SIM2: variants seen among roughly 807,000 people sequenced by gnomAD.
SIM2 encodes the protein single-minded homolog 2.
A neutral mutation model predicts 64.8 loss-of-function variants in SIM2; 28 were observed. That is an observed-to-expected ratio of 0.43 (90% CI 0.32 to 0.59). The LOEUF (loss-of-function observed/expected upper bound fraction) is 0.59, where lower values mean the gene tolerates loss of function less well. Ranked by LOEUF, SIM2 falls within the 20% of genes least tolerant of loss-of-function variation. The probability of loss-of-function intolerance (pLI) is 0.07; values close to 1 mark genes in which losing one functional copy is unlikely to be tolerated. For synonymous variants in SIM2, 408 were observed against 391.1 expected (o/e 1.04, Z -0.51); for missense variants, 847 against 871.4 (o/e 0.97, Z 0.35).
intron 1 of SIM2, among the ~76,000 whole-genome samples, chr21:36,702,351 C>T (rs566853196): frequency 6.6e-6 from 1 of 152,314 alleles, no homozygotes; most frequent in South Asian, 2.1e-4. Flanking sequence ...GGGCCCTGAA[C>T]CTGTTCGGTC....
At chr21:36,703,202 T>G (rs2088529242) in intron 1 of SIM2, among the ~76,000 whole-genome samples, 1 of 152,072 alleles carries the variant, frequency 6.6e-6, no homozygotes, top group African/African-American at 2.4e-5. Flanking sequence ...CTCAGAGGGG[T>G]CCCTGTGTGC....
rs980272716 is a variant in SIM2, at chr21:36,749,210, A to G, written c.*1118A>G. The G allele has an allele frequency of 6.5e-6, 1 of 152,678 alleles. No individual in the cohort carries two copies. Among genetic ancestry groups the G allele is most frequent in the African/African-American group, 2.4e-5 (1 of 41,466 alleles). 9.5% of individuals were successfully genotyped at this position (152,678 alleles called of 1,614,324 possible). A position where few individuals can be genotyped will look rare whatever the true frequency, so the allele number is the denominator to read the frequency against. On this transcript the variant is annotated 3_prime_UTR_variant, in exon 11 of 11. Transcript: ENST00000290399. ...TTTTTACTTTTTATGGGTTTTGCTT[A>G]AAGATCTCAACATGGAAAAATCCTG... is the stretch of plus-strand genomic sequence containing the variant.
chr21:36,726,365 C>T lies in SIM2; in HGVS notation c.743+47C>T, dbSNP rs547265967. 68 of 1,545,908 alleles carry T rather than the reference C, an allele frequency of 4.4e-5. No homozygotes were observed. The highest frequency in any genetic ancestry group is 8.1e-5 in the African/African-American group (6 of 73,848). ...GTGGCTGTGGCCTTCTGGAAGACAC[C>T]GGTGGTGGAAATGGGTCCCTGAAAG... is the stretch of plus-strand genomic sequence containing the variant. On this transcript the variant is annotated intron_variant, in intron 6 of 10. Transcript: ENST00000290399. The surrounding 1 kb of genome is among the most constrained non-coding windows in gnomAD (Gnocchi z 4.5).
rs1262093480 is a variant in SIM2, at chr21:36,743,450, C to T, written c.1062C>T (p.Asp354=). 1.2e-6 allele frequency: 2 copies of T among 1,614,122 alleles called. No individual in the cohort carries two copies. Among genetic ancestry groups the T allele is most frequent in the Admixed American group, 1.7e-5 (1 of 60,028 alleles). The change falls in exon 9 of 11, where the codon GAC becomes GAT. Residue 354 remains aspartate (D), a synonymous_variant. Coordinates refer to ENST00000290399, the MANE Select transcript of SIM2 (RefSeq NM_005069.6). ...AGGTGTCCACTGCCAAGTCCCAGGA[C>T]TCCTGGAGGACCGCCTTGTCTACCT... is the stretch of plus-strand genomic sequence containing the variant. ...LEQVSTAKSQ[D]SWRTALSTSQ...
chr21:36,729,670 C>T (rs1469789040), intron 6 of SIM2, among the ~76,000 whole-genome samples: 1 of 152,114 alleles, frequency 6.6e-6, no homozygotes. Context: ...ACTGACTGCA[C>T]CATAGCCTCG....
intron 7 of SIM2, 138 bp from the exon 8 acceptor site, chr21:36,741,579 C>A: frequency 1.1e-6 from 1 of 896,564 alleles, no homozygotes; most frequent in Non-Finnish European, 1.7e-6. Context: ...CACAGACATG[C>A]ACCCTCCAGC....
At chr21:36,741,066 T>C (rs569111651) in intron 7 of SIM2, among the ~76,000 whole-genome samples, 2 of 151,982 alleles carry the variant, frequency 1.3e-5, no homozygotes, top group African/African-American at 4.8e-5. Context: ...CGGCCTGGAG[T>C]TTGCACCCAA....
At chr21:36,704,162 A>G (rs2088545943) in intron 1 of SIM2, among the ~76,000 whole-genome samples, 1 of 152,196 alleles carries the variant, frequency 6.6e-6, no homozygotes, top group Non-Finnish European at 1.5e-5. Flanking sequence ...TTGGGTTTAA[A>G]TTCAGCTGCA....
chr21:36,715,943 C>T (rs2088741169), intron 3 of SIM2, among the ~76,000 whole-genome samples: 1 of 152,036 alleles, frequency 6.6e-6, no homozygotes, highest in African/African-American at 2.4e-5. Context: ...GTGATTGTTG[C>T]TGCCAAACTT....
intron 2 of SIM2, among the ~76,000 whole-genome samples, chr21:36,712,208 G>T (rs1322774804): frequency 6.6e-6 from 1 of 152,166 alleles, no homozygotes; most frequent in Admixed American, 6.5e-5. Flanking sequence ...TGTACTAAGT[G>T]CTAAAATAAC....
intron 1 of SIM2, among the ~76,000 whole-genome samples, chr21:36,707,680 C>T (rs997989116): frequency 3.6e-4 from 55 of 151,846 alleles, no homozygotes; most frequent in Non-Finnish European, 1.0e-4. Context: ...TTTTACGCTT[C>T]CAGAGGTCGA....
rs1380818753 is a variant in SIM2 at position 36,747,810 on chromosome 21, C to T, written c.1722C>T (p.Ala574=). 1 of 1,032,352 alleles carries T rather than the reference C, an allele frequency of 9.7e-7. No homozygotes were observed. Among genetic ancestry groups the T allele is most frequent in the Non-Finnish European group, 1.2e-6 (1 of 864,128 alleles). 63.9% of individuals were successfully genotyped at this position (1,032,352 alleles called of 1,614,324 possible). Residue 574 remains alanine, a synonymous_variant, in exon 11 of 11, where the codon GCC becomes GCT. Coordinates refer to ENST00000290399, the MANE Select transcript of SIM2 (RefSeq NM_005069.6). The surrounding 1 kb of genome is among the most constrained non-coding windows in gnomAD (Gnocchi z 4.5). ...AARDGARLAL[A]RAAPECCAPP... Reference sequence around the variant, plus strand: ...GGGACGGGGCGCGGCTGGCGCTGGCCCGCGCGGCACCCGAGTGCTGCGCGC... The same window carrying T: ...GGGACGGGGCGCGGCTGGCGCTGGCTCGCGCGGCACCCGAGTGCTGCGCGC...
rs373274906 is a variant in SIM2, at chr21:36,737,465, CA to C, written c.851-4251del. Among the ~76,000 whole-genome samples, 27 of 152,304 alleles carry C rather than the reference CA, an allele frequency of 1.8e-4. No individual in the cohort carries two copies. In the East Asian group the frequency reaches 2.3e-3, roughly 13 times the overall value. On this transcript the variant is annotated intron_variant, in intron 7 of 10. Coordinates refer to ENST00000290399, the MANE Select transcript of SIM2 (RefSeq NM_005069.6). Reference sequence around the variant, plus strand: ...CTTGTGATCTGTTGACCCAGACCCTCAGGGGGGGCTGAGCACAGCCTGGTCC... The same window carrying C: ...CTTGTGATCTGTTGACCCAGACCCTCGGGGGGGCTGAGCACAGCCTGGTCC...
chr21:36,747,745 C>A lies in SIM2; in HGVS notation c.1657C>A (p.Pro553Thr), dbSNP rs1461243539. The A allele has an allele frequency of 1.6e-6, 2 of 1,216,870 alleles. No individual in the cohort carries two copies. Among genetic ancestry groups the A allele is most frequent in the Admixed American group, 8.1e-5 (2 of 24,728 alleles). The allele number at this position is 1,216,870 out of a possible 1,614,324, so 75.4% of individuals were successfully genotyped here. A position where few individuals can be genotyped will look rare whatever the true frequency, so the allele number is the denominator to read the frequency against. The part of the protein sequence containing the change: ...FPSCGHYREE[P>T]ALGPAKAARQ... ...GAGCTGCGGCCACTACCGCGAGGAG[C>A]CCGCGCTGGGCCCGGCCAAAGCCGC... The change falls in exon 11 of 11, where the codon CCC (proline) becomes ACC (threonine). Residue 553 changes from proline to threonine, a missense_variant. Physicochemically the swap from Pro to Thr is conservative, Grantham distance 38. Coordinates refer to ENST00000290399, the MANE Select transcript of SIM2 (RefSeq NM_005069.6). The surrounding 1 kb of genome is among the most constrained non-coding windows in gnomAD (Gnocchi z 4.5).
Position 36,749,423 on chromosome 21 carries a change from C to G in SIM2, c.*1331C>G, listed in dbSNP as rs1396438359. ...GTTCTAAAATCAAGTGCACCTACAC[C>G]AACTGCTCTCAAAATGTGAACTGAC... is the stretch of plus-strand genomic sequence containing the variant. On this transcript the variant is annotated 3_prime_UTR_variant, in exon 11 of 11. Coordinates refer to ENST00000290399, the MANE Select transcript of SIM2 (RefSeq NM_005069.6). 2.0e-5 allele frequency: 3 copies of G among 150,920 alleles called. No individual in the cohort carries two copies. Among genetic ancestry groups the G allele is most frequent in the Non-Finnish European group, 2.9e-5 (2 of 67,918 alleles). The allele number at this position is 150,920 out of a possible 1,614,324, so 9.3% of individuals were successfully genotyped here. A position where few individuals can be genotyped will look rare whatever the true frequency, so the allele number is the denominator to read the frequency against.
chr21:36,747,839 C>G lies in SIM2; in HGVS notation c.1751C>G (p.Pro584Arg), dbSNP rs997387034. Reference sequence around the variant, plus strand: ...GCGGCACCCGAGTGCTGCGCGCCCCCGACCCCCGAGGCCCCGGGCGCGCCG... The same window carrying G: ...GCGGCACCCGAGTGCTGCGCGCCCCGGACCCCCGAGGCCCCGGGCGCGCCG... ...ARAAPECCAP[P>R]TPEAPGAPAQ... The change falls in exon 11 of 11, where the codon CCG becomes CGG. Residue 584 changes from proline to arginine, a missense_variant. Physicochemically the swap from Pro to Arg is moderately radical, Grantham distance 103. Coordinates refer to ENST00000290399, the MANE Select transcript of SIM2 (RefSeq NM_005069.6). This position sits in a 1 kb window ranked among gnomAD's most constrained non-coding sequence, Gnocchi z 4.5. The G allele has an allele frequency of 2.7e-5, 28 of 1,036,868 alleles. No individual in the cohort carries two copies. The highest frequency in any genetic ancestry group is 4.8e-4 in the Middle Eastern group (1 of 2,098). The allele number at this position is 1,036,868 out of a possible 1,614,324, so 64.2% of individuals were successfully genotyped here.
At position 36,734,819 on chromosome 21, in the gene SIM2, C is replaced by A. The variant is rs2089020909; in HGVS notation, c.850+3668C>A. ...TGGAGCTTTGTGATTGTGGAGGCCT[C>A]ACTCTCCTTCCCAGGTACAGAACCT... is the stretch of plus-strand genomic sequence containing the variant. On this transcript the variant is annotated intron_variant, in intron 7 of 10. Coordinates refer to ENST00000290399, the MANE Select transcript of SIM2 (RefSeq NM_005069.6). Among the ~76,000 whole-genome samples the A allele has an allele frequency of 2.0e-5, 3 of 152,204 alleles. No homozygotes were observed. The South Asian group carries it at 6.2e-4, about 31-fold the overall frequency.
chr21:36,733,378 C>G (rs1193918237), intron 7 of SIM2, among the ~76,000 whole-genome samples: 2 of 151,448 alleles, frequency 1.3e-5, no homozygotes, highest in African/African-American at 4.8e-5. Flanking sequence ...GTGCCCACCA[C>G]CACGCCTGGC....
chr21:36,741,571 C>T, intron 7 of SIM2, 146 bp from the exon 8 acceptor site: 1 of 850,418 alleles, frequency 1.2e-6, no homozygotes, highest in Non-Finnish European at 1.9e-6. Context: ...GAGACGCACA[C>T]AGACATGCAC....
Sources: allele counts gnomAD v4.1 joint callset (sites outside exome capture counted in the v4.1 genomes callset), GRCh38; gene constraint gnomAD v4.1.1; non-coding constraint Gnocchi (gnomAD v3.1); transcripts MANE v1.5; gene names NCBI Gene and HGNC (gene_info 2026-07-23, HGNC 2026-07-21).